Variants in MDH1 observed in about 807,000 individuals in gnomAD.
MDH1 encodes malate dehydrogenase, cytoplasmic.
Under a neutral mutation model 38.7 loss-of-function variants are expected in MDH1, and 15 were observed. The observed-to-expected ratio is 0.39, with a 90% CI of 0.26 to 0.60. The LOEUF (loss-of-function observed/expected upper bound fraction) is 0.60. Ranked by LOEUF, MDH1 falls within the 20% of genes least tolerant of loss-of-function variation. MDH1 has a pLI of 0.56. For synonymous variants in MDH1, 144 were observed against 143.6 expected, an observed-to-expected ratio of 1.00 and a Z score of -0.02; for missense variants, 368 against 405.2, an observed-to-expected ratio of 0.91 and a Z score of 0.79.
intron 5 of MDH1, among the ~76,000 whole-genome samples, chr2:63,603,693 C>T (rs1182702511): frequency 7.4e-6 from 1 of 135,656 alleles, no homozygotes; most frequent in African/African-American, 2.8e-5. Flanking sequence ...AGTCTCGCTG[C>T]ATCGCCCATG....
rs546603486 is a variant in MDH1 at position 63,604,266 on chromosome 2, A to AATCAGGTATT, written c.499-430_499-429insATCAGGTATT. ...GGTATATAATAAAAATTTTACCTAAATATAAAGTGCCTAAATACCTGATTA... is the reference window on the plus strand; with the variant it reads ...GGTATATAATAAAAATTTTACCTAAAATCAGGTATTTATAAAGTGCCTAAATACCTGATTA... On this transcript the variant is annotated intron_variant, in intron 5 of 8. Transcript: ENST00000233114. Among the ~76,000 whole-genome samples the AATCAGGTATT allele has an allele frequency of 1.5e-3, 236 of 152,362 alleles. 1 individual carries two copies. Among genetic ancestry groups the AATCAGGTATT allele is most frequent in the African/African-American group, 5.0e-3 (208 of 41,586 alleles).
At chr2:63,595,370 G>A in intron 2 of MDH1, 53 bp from the exon 3 acceptor site, 1 of 1,083,858 alleles carries the variant, frequency 9.2e-7, no homozygotes, top group Admixed American at 1.7e-5. Context: ...AGACTTTCTT[G>A]TGTCTAAATG....
Position 63,597,379 on chromosome 2 carries a change from A to T in MDH1, c.200-20A>T. 1.5e-6 allele frequency: 2 copies of T among 1,347,792 alleles called. No individual in the cohort carries two copies. Among genetic ancestry groups the T allele is most frequent in the South Asian group, 4.8e-5 (2 of 41,618 alleles). 83.5% of individuals were successfully genotyped at this position (1,347,792 alleles called of 1,614,324 possible). A position where few individuals can be genotyped will look rare whatever the true frequency, so the allele number is the denominator to read the frequency against. On this transcript the variant is annotated intron_variant, in intron 3 of 8. Transcript: ENST00000233114. Reference sequence around the variant, plus strand: ...CTTTGATGTTTAAGTAGCTCTGCGTATTTATTGCCATGTCCACAGATGTCA... The same window carrying T: ...CTTTGATGTTTAAGTAGCTCTGCGTTTTTATTGCCATGTCCACAGATGTCA...
At position 63,599,232 on chromosome 2, in the gene MDH1, C is replaced by T. The variant is rs367820674; in HGVS notation, c.438C>T (p.Ser146=). Residue 146 remains serine (S), a synonymous_variant, in exon 5 of 9, where the codon TCC becomes TCT. Coordinates refer to ENST00000233114, the MANE Select transcript of MDH1 (RefSeq NM_005917.4). ...TGACTGCTTCCAAGTCAGCTCCATC[C>T]ATCCCCAAGGAGAACTTCAGTTGCT... ...NCLTASKSAP[S]IPKENFSCLT... The T allele has an allele frequency of 2.4e-5, 38 of 1,613,772 alleles. No individual in the cohort carries two copies. Among genetic ancestry groups the T allele is most frequent in the African/African-American group, 1.7e-4 (13 of 75,046 alleles).
chr2:63,602,930 C>T (rs1450511570), intron 5 of MDH1, among the ~76,000 whole-genome samples: 1 of 130,030 alleles, frequency 7.7e-6, no homozygotes, highest in African/African-American at 2.7e-5. Flanking sequence ...TTTATTTAAC[C>T]GTTCTTTTTT....
At chr2:63,602,934 C>CTTTTGTTTTT (rs1709452776) in intron 5 of MDH1, among the ~76,000 whole-genome samples, 5 of 131,532 alleles carry the variant, frequency 3.8e-5, no homozygotes, top group Admixed American at 1.5e-4. Context: ...TTTAACCGTT[C>CTTTTGTTTTT]TTTTTTTTTT....
rs531335478 is a variant in MDH1 at position 63,597,577 on chromosome 2, G to T, written c.375+3G>T. ...AATACGCCAAGAAGTCAGTTAAGGT[G>T]ACCAATGCTGTATTTTATGGGATTT... On this transcript the variant is annotated splice_donor_region_variant and intron_variant, in intron 4 of 8. Transcript: ENST00000233114. 4 of 1,381,030 alleles carry T rather than the reference G, an allele frequency of 2.9e-6. No homozygotes were observed. In the South Asian group the frequency reaches 5.9e-5, roughly 20 times the overall value. The allele number at this position is 1,381,030 out of a possible 1,614,324, so 85.5% of individuals were successfully genotyped here.
chr2:63,591,182 C>T (rs1345183108), intron 1 of MDH1, among the ~76,000 whole-genome samples: 6 of 152,230 alleles, frequency 3.9e-5, no homozygotes, highest in Non-Finnish European at 8.8e-5. Context: ...CCTTGGCACA[C>T]TGCCCAGATA....
At position 63,606,923 on chromosome 2, in the gene MDH1, A is replaced by ATCTT; in HGVS notation, c.942_945dup (p.Thr316SerfsTer15). On this transcript the variant is annotated frameshift_variant, in exon 9 of 9. Coordinates refer to ENST00000233114, the MANE Select transcript of MDH1 (RefSeq NM_005917.4). LOFTEE classifies it high-confidence loss of function. Reference sequence around the variant, plus strand: ...AATGATTTCTCACGTGAGAAGATGGATCTTACTGCAAAGGAACTGACAGAA... The same window carrying ATCTT: ...AATGATTTCTCACGTGAGAAGATGGATCTTTCTTACTGCAAAGGAACTGACAGAA... The ATCTT allele has an allele frequency of 1.2e-6, 2 of 1,612,918 alleles. No individual in the cohort carries two copies. Among genetic ancestry groups the ATCTT allele is most frequent in the Non-Finnish European group, 1.7e-6 (2 of 1,179,172 alleles).
chr2:63,604,072 A>C (rs529270072), intron 5 of MDH1, among the ~76,000 whole-genome samples: 1 of 152,188 alleles, frequency 6.6e-6, no homozygotes, highest in African/African-American at 2.4e-5. Flanking sequence ...CATATGTTAT[A>C]ATTTTAGAGT....
At chr2:63,601,227 G>A (rs2121351) in intron 5 of MDH1, among the ~76,000 whole-genome samples, 122,247 of 152,216 alleles carry the variant, frequency 0.8, 49,761 homozygotes, top group East Asian at 0.98. Context: ...TCTTCCTCTA[G>A]AAGAAGTTGT....
intron 2 of MDH1, 24 bp downstream of exon 2, chr2:63,594,610 T>C (rs1709267773): frequency 2.0e-6 from 3 of 1,491,644 alleles, no homozygotes; most frequent in Non-Finnish European, 2.8e-6. Context: ...TCTATAAATC[T>C]TAAGTTATTA....
At position 63,604,770 on chromosome 2, in the gene MDH1, G is replaced by C; in HGVS notation, c.573G>C (p.Gln191His). 1 of 1,614,134 alleles carries C rather than the reference G, an allele frequency of 6.2e-7. No homozygotes were observed. The change falls in exon 6 of 9, where the codon CAG becomes CAC. Residue 191 changes from glutamine (Q) to histidine (H), a missense_variant. Transcript: ENST00000233114. Reference protein sequence around the residue: ...VIIWGNHSSTQYPDVNHAKVK... With the variant: ...VIIWGNHSSTHYPDVNHAKVK... Reference sequence around the variant, plus strand: ...TCTGGGGAAACCATTCCTCGACTCAGTATCCAGATGTCAACCATGCCAAGG... The same window carrying C: ...TCTGGGGAAACCATTCCTCGACTCACTATCCAGATGTCAACCATGCCAAGG...
chr2:63,593,409 G>T, intron 1 of MDH1: 1 of 360,750 alleles, frequency 2.8e-6, no homozygotes, highest in African/African-American at 2.2e-5. Context: ...CTTCTTTTTT[G>T]AAATTTTTTT....
At chr2:63,606,556 T>G (rs1186645771) in intron 8 of MDH1, among the ~76,000 whole-genome samples, 1 of 152,204 alleles carries the variant, frequency 6.6e-6, no homozygotes, top group Admixed American at 6.5e-5. Flanking sequence ...TTATTATGCC[T>G]CTAGTATTAG....
At chr2:63,593,516 C>T in intron 1 of MDH1, 1 of 470,140 alleles carries the variant, frequency 2.1e-6, no homozygotes, top group Admixed American at 2.4e-5. Flanking sequence ...CGAGGCTATC[C>T]ATCCTTGTTT....
intron 7 of MDH1, 58 bp from the exon 8 acceptor site, chr2:63,605,881 T>C (rs1358604721): frequency 1.5e-6 from 2 of 1,370,136 alleles, no homozygotes; most frequent in Non-Finnish European, 2.1e-6. Context: ...TTTTATTAGT[T>C]CATGTGTCAG....
In MDH1 at chr2:63,606,888, T is replaced by C. The variant is rs1575728063; in HGVS notation, c.906T>C (p.Gly302=). Reference sequence around the variant, plus strand: ...ATAAGACCTGGAAGTTTGTTGAAGGTCTCCCTATTAATGATTTCTCACGTG... The same window carrying C: ...ATAAGACCTGGAAGTTTGTTGAAGGCCTCCCTATTAATGATTTCTCACGTG... ...IKNKTWKFVE[G]LPINDFSREK... The change falls in exon 9 of 9, where the codon GGT becomes GGC. Residue 302 remains glycine, a synonymous_variant. Coordinates refer to ENST00000233114, the MANE Select transcript of MDH1 (RefSeq NM_005917.4). The C allele has an allele frequency of 6.2e-7, 1 of 1,611,482 alleles. No homozygotes were observed.
At chr2:63,589,363 G>C in intron 1 of MDH1, 2 of 1,550,606 alleles carry the variant, frequency 1.3e-6, no homozygotes. Context: ...AGGACGTTAC[G>C]GTGTTTGATA....
Sources: allele counts gnomAD v4.1 joint callset (sites outside exome capture counted in the v4.1 genomes callset), GRCh38; gene constraint gnomAD v4.1.1; transcripts MANE v1.5; gene names NCBI Gene and HGNC (gene_info 2026-07-23, HGNC 2026-07-21).